The following SEC31B variants were observed in gnomAD, a reference collection of about 807,000 sequenced individuals.
SEC31B encodes SEC31 homolog B, COPII component, also known as protein transport protein Sec31B.
In SEC31B, 113 loss-of-function variants were observed where a neutral mutation model predicts 135.0. The ratio of observed to expected loss-of-function variants is 0.84; its 90% CI spans 0.72 to 0.98. The LOEUF is 0.98. Ranked by LOEUF, SEC31B falls within the 50% of genes least tolerant of loss-of-function variation. The pLI is 0.00. For missense variants in SEC31B, 1,296 were observed against 1,421.1 expected (o/e 0.91, Z 1.42); for synonymous variants, 508 against 549.4 (o/e 0.92, Z 1.05).
At position 100,490,016 on chromosome 10, in the gene SEC31B, G is replaced by C. The variant is rs1439255178; in HGVS notation, c.2957C>G (p.Pro986Arg). 6.5e-7 allele frequency: 1 copy of C among 1,542,674 alleles called. No individual in the cohort carries two copies. The highest frequency in any genetic ancestry group is 2.2e-5 in the East Asian group (1 of 44,482). The change falls in exon 21 of 26, where the codon CCT (proline) becomes CGT (arginine). Residue 986 changes from proline to arginine, a missense_variant. Transcript: ENST00000370345. ...SVLPTTGILT[P>R]HPGPQDSWKE... is the part of the protein sequence containing the mutation. ...ATGGAAGGAAGACTGACCTGGGTGA[G>C]GAGTCAAGATGCCAGTGGTTGGGAG...
intron 11 of SEC31B, among the ~76,000 whole-genome samples, chr10:100,500,659 TG>T (rs1403778244): frequency 6.6e-6 from 1 of 152,162 alleles, no homozygotes; most frequent in Non-Finnish European, 1.5e-5. Context: ...TGGTAGAAGT[TG>T]CACAGGTACA....
intron 18 of SEC31B, among the ~76,000 whole-genome samples, chr10:100,495,844 C>T (rs910661807): frequency 2.0e-5 from 3 of 152,190 alleles, no homozygotes; most frequent in Non-Finnish European, 2.9e-5. Flanking sequence ...CACCCCCGCT[C>T]TATACTCTAG....
rs1038339454 is a variant in SEC31B at position 100,489,703 on chromosome 10, C to T, written c.3024G>A (p.Lys1008=). 3.2e-5 allele frequency: 52 copies of T among 1,613,978 alleles called. No individual in the cohort carries two copies. The highest frequency in any genetic ancestry group is 4.4e-5 in the Non-Finnish European group (52 of 1,180,002). ...PAPRGNLQRN[K]LPETFMPPAP... ...AGTGGGTAGGGAAAGATGCATTGAC[C>T]TTGTTCCTCTGGAGGTTTCCCCTGG... The change falls in exon 22 of 26, where the codon AAG becomes AAA. Residue 1008 remains lysine (K), a splice_region_variant and synonymous_variant. Transcript: ENST00000370345.
intron 24 of SEC31B, 67 bp from the exon 25 acceptor site, chr10:100,488,165 TCA>T: frequency 7.0e-7 from 1 of 1,425,414 alleles, no homozygotes; most frequent in South Asian, 1.2e-5. Context: ...CCATAAAGAA[TCA>T]CAGCATATTA....
At chr10:100,503,860 G>A (rs755343733) in intron 10 of SEC31B, among the ~76,000 whole-genome samples, 4 of 151,600 alleles carry the variant, frequency 2.6e-5, no homozygotes, top group Admixed American at 6.6e-5. Flanking sequence ...ATTATTTGGC[G>A]TTGATAACTA....
At chr10:100,488,338 A>G (rs1031551513) in intron 24 of SEC31B, among the ~76,000 whole-genome samples, 1 of 151,832 alleles carries the variant, frequency 6.6e-6, no homozygotes, top group Non-Finnish European at 1.5e-5. Flanking sequence ...GGGCACCTGT[A>G]GTCCCAGCTA....
chr10:100,497,573 G>A, intron 16 of SEC31B, 94 bp downstream of exon 16: 1 of 1,595,420 alleles, frequency 6.3e-7, no homozygotes, highest in South Asian at 1.1e-5. Context: ...GCCTCCCACA[G>A]CTCAGTCTGC....
At chr10:100,492,209 A>C (rs928273159) in intron 19 of SEC31B, among the ~76,000 whole-genome samples, 3 of 149,620 alleles carry the variant, frequency 2.0e-5, no homozygotes, top group African/African-American at 7.7e-5. Flanking sequence ...ACAAGGCAAG[A>C]ACATTCATGT....
At chr10:100,488,336 G>A (rs1254640112) in intron 24 of SEC31B, among the ~76,000 whole-genome samples, 1 of 151,956 alleles carries the variant, frequency 6.6e-6, no homozygotes, top group Non-Finnish European at 1.5e-5. Flanking sequence ...GTGGGCACCT[G>A]TAGTCCCAGC....
At position 100,490,230 on chromosome 10, in the gene SEC31B, G is replaced by A. The variant is rs371886909; in HGVS notation, c.2743C>T (p.Leu915=). ...PGTWPLPGSP[L]PMACPGIMRP... ...ATGATGCCTGGGCATGCCATGGGTA[G>A]AGGGGAACCAGGAAGAGGCCATGTC... The change falls in exon 21 of 26, where the codon CTA becomes TTA. Residue 915 remains leucine (L), a synonymous_variant. Transcript: ENST00000370345. 6.2e-6 allele frequency: 10 copies of A among 1,613,616 alleles called. No homozygotes were observed. The highest frequency in any genetic ancestry group is 6.8e-6 in the Non-Finnish European group (8 of 1,179,720).
At chr10:100,509,797 T>C (rs1851706977) in intron 3 of SEC31B, among the ~76,000 whole-genome samples, 1 of 152,128 alleles carries the variant, frequency 6.6e-6, no homozygotes, top group African/African-American at 2.4e-5. Context: ...TAAGTTAACA[T>C]TGGGGTTATA....
chr10:100,508,680 C>A (rs111490148), intron 5 of SEC31B: 8 of 420,410 alleles, frequency 1.9e-5, no homozygotes, highest in African/African-American at 8.2e-5. Context: ...GGGCCCAATG[C>A]CCTACCCAAC....
intron 10 of SEC31B, among the ~76,000 whole-genome samples, chr10:100,503,852 T>C (rs1851575436): frequency 6.6e-6 from 1 of 152,092 alleles, no homozygotes. Flanking sequence ...TTGTACAGAT[T>C]ATTTGGCGTT....
chr10:100,516,241 A>G (rs758250846), intron 2 of SEC31B, 22 bp from the exon 3 acceptor site: 5 of 1,611,254 alleles, frequency 3.1e-6, no homozygotes, highest in Non-Finnish European at 4.2e-6. Flanking sequence ...AAAAGGCAGC[A>G]TATGAGCAAC....
intron 8 of SEC31B, 29 bp downstream of exon 8, chr10:100,506,292 C>A: frequency 6.2e-7 from 1 of 1,614,092 alleles, no homozygotes; most frequent in Middle Eastern, 1.6e-4. Context: ...CTCTCCCATC[C>A]CAGCATGCCC....
intron 1 of SEC31B, 142 bp from the exon 2 acceptor site, chr10:100,517,139 A>C (rs1758600015): frequency 3.4e-6 from 2 of 588,648 alleles, no homozygotes; most frequent in Admixed American, 3.1e-5. Flanking sequence ...TGCAGATCTA[A>C]AGATAGTTCA....
At chr10:100,497,908 G>T (rs1455550112) in intron 15 of SEC31B, 115 bp from the exon 16 acceptor site, 1 of 1,583,464 alleles carries the variant, frequency 6.3e-7, no homozygotes, top group African/African-American at 1.3e-5. Flanking sequence ...TGAGGTGGGG[G>T]TGGTTAGAGT....
At chr10:100,518,730 C>T (rs1011708975) in intron 1 of SEC31B, among the ~76,000 whole-genome samples, 2 of 152,202 alleles carry the variant, frequency 1.3e-5, no homozygotes, top group African/African-American at 4.8e-5. Flanking sequence ...CTGTGACCTG[C>T]TTGAGTAAGC....
chr10:100,500,429 C>T (rs984719240), intron 11 of SEC31B, among the ~76,000 whole-genome samples: 1 of 152,066 alleles, frequency 6.6e-6, no homozygotes, highest in Non-Finnish European at 1.5e-5. Context: ...ATTCTCCTGT[C>T]TCAGCCTCCT....
Sources: allele counts gnomAD v4.1 joint callset (sites outside exome capture counted in the v4.1 genomes callset), GRCh38; gene constraint gnomAD v4.1.1; transcripts MANE v1.5; gene names NCBI Gene and HGNC (gene_info 2026-07-23, HGNC 2026-07-21).